Variants in VCAN observed in about 807,000 individuals in gnomAD.
VCAN encodes the protein versican core protein.
Under a neutral mutation model 245.5 loss-of-function variants are expected in VCAN, and 44 were observed. That is an observed-to-expected ratio of 0.18 (90% confidence interval 0.14 to 0.23). The LOEUF (loss-of-function observed/expected upper bound fraction) is 0.23. VCAN is among the 10% of genes least tolerant of loss of function. The probability of loss-of-function intolerance (pLI) is 1.00; values close to 1 mark genes in which losing one functional copy is unlikely to be tolerated. For synonymous variants in VCAN, 1,413 were observed against 1,437.0 expected (o/e 0.98, Z 0.38); for missense variants, 3,793 against 4,057.9 (o/e 0.93, Z 1.77).
chr5:83,504,706 T>A (rs1455074952), intron 5 of VCAN, among the ~76,000 whole-genome samples: 2 of 152,206 alleles, frequency 1.3e-5, no homozygotes, highest in Non-Finnish European at 1.5e-5. Context: ...TATAACAATT[T>A]AACTTACTGT....
intron 11 of VCAN, 96 bp downstream of exon 11, chr5:83,553,618 T>C: frequency 6.7e-7 from 1 of 1,502,978 alleles, no homozygotes; most frequent in Non-Finnish European, 9.2e-7. Flanking sequence ...GCTTTTTCAA[T>C]CATAATACAA....
intron 12 of VCAN, among the ~76,000 whole-genome samples, chr5:83,567,371 G>T (rs1012500731): frequency 3.9e-5 from 6 of 152,044 alleles, no homozygotes; most frequent in African/African-American, 1.4e-4. Context: ...TGCGATCTTG[G>T]CTCACTGCAA....
chr5:83,522,718 C>A (rs544603471), intron 7 of VCAN, among the ~76,000 whole-genome samples: 1 of 152,106 alleles, frequency 6.6e-6, no homozygotes, highest in East Asian at 1.9e-4. Flanking sequence ...CGGCTAAAAT[C>A]GTTTTGCATA....
chr5:83,493,268 A>G (rs149054646), intron 3 of VCAN, among the ~76,000 whole-genome samples: 189 of 152,312 alleles, frequency 1.2e-3, no homozygotes, highest in African/African-American at 4.4e-3. Context: ...AATCAGGACA[A>G]CTATTGGGAT....
chr5:83,539,441 T>G lies in VCAN; in HGVS notation c.6438T>G (p.Thr2146=). The G allele has an allele frequency of 1.2e-6, 2 of 1,613,518 alleles. No individual in the cohort carries two copies. The highest frequency in any genetic ancestry group is 1.7e-6 in the Non-Finnish European group (2 of 1,179,802). ...CAATCTTTGATTCACAGACATTTAC[T>G]GAAACTGAACTCAAAACCACAGATT... ...EQTIFDSQTF[T]ETELKTTDYS... Residue 2146 remains threonine, a synonymous_variant, in exon 8 of 15, where the codon ACT becomes ACG. Coordinates refer to ENST00000265077, the MANE Select transcript of VCAN (RefSeq NM_004385.5).
At chr5:83,544,441 A>G (rs1747125189) in intron 8 of VCAN, among the ~76,000 whole-genome samples, 1 of 152,208 alleles carries the variant, frequency 6.6e-6, no homozygotes, top group African/African-American at 2.4e-5. Context: ...TATCTTTTAT[A>G]GCAGTACCTT....
In VCAN at chr5:83,539,206, G is replaced by T. The variant is rs1231330627; in HGVS notation, c.6203G>T (p.Gly2068Val). The change falls in exon 8 of 15, where the codon GGT (glycine) becomes GTT (valine). Residue 2068 changes from glycine to valine, a missense_variant. By Grantham distance (109) the Gly-to-Val change is moderately radical. Coordinates refer to ENST00000265077, the MANE Select transcript of VCAN (RefSeq NM_004385.5). ...ATTTTACCAACAGCAGAAGTGGAAG[G>T]TACGAAAGCTCCAGTAGAGAAGGAG... ...STILPTAEVE[G>V]TKAPVEKEEV... 1.2e-6 allele frequency: 2 copies of T among 1,613,968 alleles called. No homozygotes were observed. Among genetic ancestry groups the T allele is most frequent in the Admixed American group, 3.3e-5 (2 of 59,942 alleles).
chr5:83,529,514 G>A (rs186334852), intron 7 of VCAN, among the ~76,000 whole-genome samples: 83 of 151,996 alleles, frequency 5.5e-4, no homozygotes, highest in African/African-American at 1.8e-3. Flanking sequence ...GAATGTATGC[G>A]TAGGATTCCT....
intron 7 of VCAN, among the ~76,000 whole-genome samples, chr5:83,524,280 T>C (rs1746207895): frequency 6.6e-6 from 1 of 152,184 alleles, no homozygotes; most frequent in Non-Finnish European, 1.5e-5. Flanking sequence ...AGTTGTGGAC[T>C]TGATTCAGCT....
At chr5:83,497,977 C>T (rs1332900965) in intron 5 of VCAN, among the ~76,000 whole-genome samples, 1 of 152,170 alleles carries the variant, frequency 6.6e-6, no homozygotes, top group Non-Finnish European at 1.5e-5. Flanking sequence ...TCAATACTTC[C>T]AGTCTTGTCC....
intron 7 of VCAN, among the ~76,000 whole-genome samples, chr5:83,534,912 A>ATCC (rs2308228): frequency 0.66 from 100,429 of 151,392 alleles, 33,724 homozygotes; most frequent in African/African-American, 0.76. Context: ...GGATGTTATC[A>ATCC]TCTGAATATT....
chr5:83,514,968 G>C (rs1221743598), intron 6 of VCAN, among the ~76,000 whole-genome samples: 2 of 152,116 alleles, frequency 1.3e-5, no homozygotes, highest in Non-Finnish European at 2.9e-5. Flanking sequence ...TTTCTTGTTT[G>C]CTTCTACCAA....
Position 83,520,427 on chromosome 5 carries a change from C to T in VCAN, c.2121C>T (p.Ile707=). Residue 707 remains isoleucine, a synonymous_variant, in exon 7 of 15, where the codon ATC becomes ATT. Coordinates refer to ENST00000265077, the MANE Select transcript of VCAN (RefSeq NM_004385.5). ...ATACAGATGAAATACAAGAAGAGAT[C>T]ACTAAAAGTCCATTTATGGGAAAAA... ...DTYTDEIQEE[I]TKSPFMGKTE... is the part of the protein sequence containing the mutation. The T allele has an allele frequency of 6.2e-7, 1 of 1,613,742 alleles. No homozygotes were observed. The highest frequency in any genetic ancestry group is 8.5e-7 in the Non-Finnish European group (1 of 1,179,922).
chr5:83,521,190 G>T lies in VCAN; in HGVS notation c.2884G>T (p.Glu962Ter). ...LAFVSYSSTQ[E>*]PTTYVDSSHT... The stretch of plus-strand genomic sequence containing the variant: ...ATTTGTTAGTTATAGTAGCACCCAA[G>T]AGCCTACTACTTATGTAGACTCTTC... Residue 962 changes from glutamate (E) to a stop codon, truncating the protein, a stop_gained, in exon 7 of 15, where the codon GAG becomes TAG. Transcript: ENST00000265077. LOFTEE classifies it high-confidence loss of function. The T allele has an allele frequency of 6.2e-7, 1 of 1,613,494 alleles. No homozygotes were observed. The highest frequency in any genetic ancestry group is 2.2e-5 in the East Asian group (1 of 44,868).
chr5:83,501,537 T>G (rs1297417055), intron 5 of VCAN, among the ~76,000 whole-genome samples: 1 of 152,200 alleles, frequency 6.6e-6, no homozygotes, highest in African/African-American at 2.4e-5. Flanking sequence ...CACCATTTGT[T>G]GAAAAGATAA....
At chr5:83,478,054 T>C (rs1168446006) in intron 1 of VCAN, among the ~76,000 whole-genome samples, 1 of 151,778 alleles carries the variant, frequency 6.6e-6, no homozygotes, top group Non-Finnish European at 1.5e-5. Context: ...GCAATTCTCC[T>C]GTGTCAGCCT....
At chr5:83,575,742 G>A (rs1028667620) in intron 13 of VCAN, among the ~76,000 whole-genome samples, 8 of 152,090 alleles carry the variant, frequency 5.3e-5, no homozygotes, top group African/African-American at 1.4e-4. Context: ...CTCCAGAAGA[G>A]GCAAACTGTC....
At chr5:83,507,544 G>A (rs569312993) in intron 5 of VCAN, among the ~76,000 whole-genome samples, 2 of 152,314 alleles carry the variant, frequency 1.3e-5, no homozygotes, top group East Asian at 3.9e-4. Context: ...TTGAGAGAGA[G>A]CAACTAAGCA....
intron 7 of VCAN, among the ~76,000 whole-genome samples, chr5:83,525,631 G>A (rs1450372626): frequency 2.6e-5 from 4 of 152,028 alleles, no homozygotes; most frequent in Non-Finnish European, 5.9e-5. Flanking sequence ...TACTTATTAT[G>A]TGTCAGGCCT....
Sources: allele counts gnomAD v4.1 joint callset (sites outside exome capture counted in the v4.1 genomes callset), GRCh38; gene constraint gnomAD v4.1.1; transcripts MANE v1.5; gene names NCBI Gene and HGNC (gene_info 2026-07-23, HGNC 2026-07-21).